Variants in TMEM121 observed in about 807,000 individuals in gnomAD.
TMEM121 encodes the protein transmembrane protein 121A.
TMEM121 carries 8 observed loss-of-function variants against 16.4 expected under a neutral mutation model. That is an observed-to-expected ratio of 0.49 (90% CI 0.29 to 0.88). The LOEUF is 0.88. Among genes scored for constraint, TMEM121 ranks in the 40% least tolerant of loss-of-function variants. The probability of loss-of-function intolerance (pLI) is 0.09; values close to 1 mark genes in which losing one functional copy is unlikely to be tolerated. For synonymous variants in TMEM121, 235 were observed against 226.2 expected, an observed-to-expected ratio of 1.04 and a Z score of -0.35; for missense variants, 401 against 462.0, an observed-to-expected ratio of 0.87 and a Z score of 1.21.
In TMEM121 at chr14:105,529,530, G is replaced by T; in HGVS notation, c.696G>T (p.Ala232=). Residue 232 remains alanine, a synonymous_variant, in exon 2 of 2, where the codon GCG becomes GCT. Coordinates refer to ENST00000392519, the MANE Select transcript of TMEM121 (RefSeq NM_025268.4). ...CCGTCAATGTGGTGGCCGTGCTGGC[G>T]CGCGCCGCCAACATGGCGCTGTTCC... The part of the protein sequence containing the change: ...LATVNVVAVL[A]RAANMALFRD... 6.5e-7 allele frequency: 1 copy of T among 1,541,306 alleles called. No homozygotes were observed. Among genetic ancestry groups the T allele is most frequent in the Non-Finnish European group, 8.7e-7 (1 of 1,145,524 alleles).
Position 105,529,522 on chromosome 14 carries a change from G to T in TMEM121, c.688G>T (p.Val230Leu), listed in dbSNP as rs2084623165. 1 of 1,540,890 alleles carries T rather than the reference G, an allele frequency of 6.5e-7. No homozygotes were observed. The highest frequency in any genetic ancestry group is 1.4e-5 in the African/African-American group (1 of 73,152). Residue 230 changes from valine to leucine, a missense_variant, in exon 2 of 2, where the codon GTG (valine) becomes TTG (leucine). Physicochemically the swap from Val to Leu is conservative, Grantham distance 32. Coordinates refer to ENST00000392519, the MANE Select transcript of TMEM121 (RefSeq NM_025268.4). ...LSLATVNVVAVLARAANMALF... is the reference protein window; with the variant it reads ...LSLATVNVVALLARAANMALF... ...CCTCGCCACCGTCAATGTGGTGGCC[G>T]TGCTGGCGCGCGCCGCCAACATGGC...
At chr14:105,528,602 C>T (rs2084608444) in intron 1 of TMEM121, 120 bp from the exon 2 acceptor site, 1 of 278,622 alleles carries the variant, frequency 3.6e-6, no homozygotes, top group African/African-American at 2.3e-5. Context: ...TGCGCGATGC[C>T]TCGGGGCCCC....
rs1447565477 is a variant in TMEM121, at chr14:105,526,693, T to G, written c.-114+40T>G. 2 of 125,908 alleles carry G rather than the reference T, an allele frequency of 1.6e-5. No individual in the cohort carries two copies. The allele number at this position is 125,908 out of a possible 1,614,324, so 7.8% of individuals were successfully genotyped here. ...GGGCGGGACTGGCTGGGTGCGCGGCTGCGTCCGCGGAGGGGGCGGCGGGCC... is the reference window on the plus strand; with the variant it reads ...GGGCGGGACTGGCTGGGTGCGCGGCGGCGTCCGCGGAGGGGGCGGCGGGCC... On this transcript the variant is annotated intron_variant, in intron 1 of 1. Coordinates refer to ENST00000392519, the MANE Select transcript of TMEM121 (RefSeq NM_025268.4). The surrounding 1 kb of genome is among the most constrained non-coding windows in gnomAD (Gnocchi z 6.8).
Position 105,529,260 on chromosome 14 carries a change from G to T in TMEM121, c.426G>T (p.Lys142Asn). Reference sequence around the variant, plus strand: ...TGGAGTACGTGCGCACCTTCCGCAAGCGCGAGGACCTGCGCGGCCGCCTGT... The same window carrying T: ...TGGAGTACGTGCGCACCTTCCGCAATCGCGAGGACCTGCGCGGCCGCCTGT... Reference protein sequence around the residue: ...DRMEYVRTFRKREDLRGRLFW... With the variant: ...DRMEYVRTFRNREDLRGRLFW... Residue 142 changes from lysine (K) to asparagine (N), a missense_variant, in exon 2 of 2, where the codon AAG (lysine) becomes AAT (asparagine). Transcript: ENST00000392519. 6.4e-7 allele frequency: 1 copy of T among 1,552,366 alleles called. No individual in the cohort carries two copies.
Position 105,529,190 on chromosome 14 carries a change from T to C in TMEM121, c.356T>C (p.Val119Ala), listed in dbSNP as rs1555444198. Residue 119 changes from valine (V) to alanine (A), a missense_variant, in exon 2 of 2, where the codon GTG becomes GCG. Val to Ala is a moderately conservative substitution (Grantham distance 64, BLOSUM62 0). Transcript: ENST00000392519. ...ARKALTLLLS[V>A]CVPGLFLLLV... ...AAGGCGCTGACGCTGCTGCTGTCTG[T>C]GTGTGTGCCCGGCCTGTTCCTGCTG... is the stretch of plus-strand genomic sequence containing the variant. 2 of 1,585,212 alleles carry C rather than the reference T, an allele frequency of 1.3e-6. No individual in the cohort carries two copies. The highest frequency in any genetic ancestry group is 1.7e-6 in the Non-Finnish European group (2 of 1,168,344).
Position 105,528,758 on chromosome 14 carries a change from C to T in TMEM121, c.-77C>T. The T allele has an allele frequency of 8.5e-7, 1 of 1,179,982 alleles. No homozygotes were observed. The highest frequency in any genetic ancestry group is 1.0e-6 in the Non-Finnish European group (1 of 955,724). 73.1% of individuals were successfully genotyped at this position (1,179,982 alleles called of 1,614,324 possible). ...GCCGGGCCGTGTCGCGCCATGCCCGCTGGCTGAGCGCCGCAGGGCCTCGTC... is the reference window on the plus strand; with the variant it reads ...GCCGGGCCGTGTCGCGCCATGCCCGTTGGCTGAGCGCCGCAGGGCCTCGTC... On this transcript the variant is annotated 5_prime_UTR_variant, in exon 2 of 2. Coordinates refer to ENST00000392519, the MANE Select transcript of TMEM121 (RefSeq NM_025268.4).
chr14:105,529,564 C>G lies in TMEM121; in HGVS notation c.730C>G (p.Arg244Gly), dbSNP rs782133785. The G allele has an allele frequency of 6.4e-7, 1 of 1,552,532 alleles. No individual in the cohort carries two copies. Among genetic ancestry groups the G allele is most frequent in the South Asian group, 1.2e-5 (1 of 84,890 alleles). Residue 244 changes from arginine to glycine, a missense_variant, in exon 2 of 2, where the codon CGT (arginine) becomes GGT (glycine). Physicochemically the swap from Arg to Gly is moderately radical, Grantham distance 125. Transcript: ENST00000392519. The stretch of plus-strand genomic sequence containing the variant: ...CAACATGGCGCTGTTCCGGGACAGC[C>G]GTGTCTCGGCCATCTTCGTCGGCAA... ...AANMALFRDS[R>G]VSAIFVGKNV... is the part of the protein sequence containing the mutation.
chr14:105,527,756 G>C (rs1370455905), intron 1 of TMEM121, among the ~76,000 whole-genome samples: 4 of 151,982 alleles, frequency 2.6e-5, no homozygotes, highest in African/African-American at 9.7e-5. Context: ...GGCTGTGGAG[G>C]GGGTGAGGGG....
At chr14:105,527,317 C>G (rs979734536) in intron 1 of TMEM121, 4 of 152,234 alleles carry the variant, frequency 2.6e-5, no homozygotes, top group African/African-American at 9.7e-5. Flanking sequence ...CCCCGCCACG[C>G]GCGGAGAGGG....
rs1555444149 is a variant in TMEM121 at position 105,528,993 on chromosome 14, G to C, written c.159G>C (p.Leu53=). The C allele has an allele frequency of 1.2e-6, 2 of 1,612,070 alleles. No individual in the cohort carries two copies. The highest frequency in any genetic ancestry group is 3.3e-5 in the Admixed American group (2 of 59,928). ...TGCTGGTGGGCGACGTGTGCTTCCT[G>C]CTGGTGCTGCGCTACGTGGCCGTGT... ...IIVLVGDVCF[L]LVLRYVAVWV... is the part of the protein sequence containing the mutation. Residue 53 remains leucine (L), a synonymous_variant, in exon 2 of 2, where the codon CTG becomes CTC. Coordinates refer to ENST00000392519, the MANE Select transcript of TMEM121 (RefSeq NM_025268.4).
chr14:105,530,028 G>A lies in TMEM121; in HGVS notation c.*234G>A. 3 of 504,836 alleles carry A rather than the reference G, an allele frequency of 5.9e-6. No individual in the cohort carries two copies. The highest frequency in any genetic ancestry group is 1.0e-5 in the Non-Finnish European group (3 of 287,272). The allele number at this position is 504,836 out of a possible 1,614,324, so 31.3% of individuals were successfully genotyped here. A position where few individuals can be genotyped will look rare whatever the true frequency, so the allele number is the denominator to read the frequency against. ...GCGCGTGGGTCTGTTTGGGAGGCCT[G>A]GGCCGGAGCAGAGCAGAGGTGATCC... On this transcript the variant is annotated 3_prime_UTR_variant, in exon 2 of 2. Transcript: ENST00000392519.
At position 105,528,856 on chromosome 14, in the gene TMEM121, C is replaced by T; in HGVS notation, c.22C>T (p.Arg8Trp). Residue 8 changes from arginine (R) to tryptophan (W), a missense_variant, in exon 2 of 2, where the codon CGG becomes TGG. Coordinates refer to ENST00000392519, the MANE Select transcript of TMEM121 (RefSeq NM_025268.4). MVLPPPD[R>W]RHVCLTTLVI... ...GACCATGGTGCTGCCGCCCCCGGAC[C>T]GGCGCCACGTGTGCCTGACCACGCT... 1 of 1,540,422 alleles carries T rather than the reference C, an allele frequency of 6.5e-7. No individual in the cohort carries two copies.
chr14:105,527,323 G>A (rs2084596643), intron 1 of TMEM121: 1 of 152,286 alleles, frequency 6.6e-6, no homozygotes, highest in Non-Finnish European at 1.5e-5. Context: ...CACGCGCGGA[G>A]AGGGAGGAAA....
chr14:105,529,282 C>G lies in TMEM121; in HGVS notation c.448C>G (p.Leu150Val). 1.9e-6 allele frequency: 3 copies of G among 1,542,456 alleles called. No individual in the cohort carries two copies. The highest frequency in any genetic ancestry group is 2.6e-6 in the Non-Finnish European group (3 of 1,147,790). Residue 150 changes from leucine to valine, a missense_variant, in exon 2 of 2, where the codon CTG becomes GTG. Coordinates refer to ENST00000392519, the MANE Select transcript of TMEM121 (RefSeq NM_025268.4). ...CAAGCGCGAGGACCTGCGCGGCCGC[C>G]TGTTTTGGGTGGCGCTGGACCTGCT... ...FRKREDLRGR[L>V]FWVALDLLDL...
chr14:105,527,881 G>A (rs1364450089), intron 1 of TMEM121, among the ~76,000 whole-genome samples: 1 of 152,142 alleles, frequency 6.6e-6, no homozygotes, highest in East Asian at 1.9e-4. Flanking sequence ...ACGGCCATGA[G>A]GACCAGTGCC....
intron 1 of TMEM121, among the ~76,000 whole-genome samples, chr14:105,527,807 C>T (rs1335042808): frequency 1.3e-5 from 2 of 151,574 alleles, no homozygotes; most frequent in Non-Finnish European, 2.9e-5. Context: ...GGGGTGGGTG[C>T]GGGTGTGCGG....
Position 105,526,817 on chromosome 14 carries a change from G to T in TMEM121, c.-114+164G>T, listed in dbSNP as rs2084591705. ...GGGGCCGGCGGGGTGACGGGGACCCGGCCCTGCGTGGGGAAGCCTCGGGGG... is the reference window on the plus strand; with the variant it reads ...GGGGCCGGCGGGGTGACGGGGACCCTGCCCTGCGTGGGGAAGCCTCGGGGG... On this transcript the variant is annotated intron_variant, in intron 1 of 1. Coordinates refer to ENST00000392519, the MANE Select transcript of TMEM121 (RefSeq NM_025268.4). The surrounding 1 kb of genome is among the most constrained non-coding windows in gnomAD (Gnocchi z 6.8). Among the ~76,000 whole-genome samples, 1 of 151,674 alleles carries T rather than the reference G, an allele frequency of 6.6e-6. No individual in the cohort carries two copies. The highest frequency in any genetic ancestry group is 6.6e-5 in the Admixed American group (1 of 15,254).
rs1378352665 is a variant in TMEM121, at chr14:105,529,244, T to C, written c.410T>C (p.Val137Ala). The change falls in exon 2 of 2, where the codon GTG becomes GCG. Residue 137 changes from valine to alanine, a missense_variant. Coordinates refer to ENST00000392519, the MANE Select transcript of TMEM121 (RefSeq NM_025268.4). ...LLVALDRMEY[V>A]RTFRKREDLR... ...GTGGCGCTGGACCGCATGGAGTACG[T>C]GCGCACCTTCCGCAAGCGCGAGGAC... 1.3e-6 allele frequency: 2 copies of C among 1,561,980 alleles called. No homozygotes were observed. Among genetic ancestry groups the C allele is most frequent in the Non-Finnish European group, 1.7e-6 (2 of 1,156,888 alleles).
chr14:105,527,286 G>C (rs183639746), intron 1 of TMEM121: 1 of 152,282 alleles, frequency 6.6e-6, no homozygotes, highest in Non-Finnish European at 1.5e-5. Context: ...CGGCGCCGTG[G>C]CTCCCCCGCT....
Sources: gnomAD v4.1 joint callset for allele counts (sites outside exome capture counted in the v4.1 genomes callset) on GRCh38, gnomAD v4.1.1 for gene constraint, Gnocchi (gnomAD v3.1) non-coding constraint, MANE v1.5 for transcripts, NCBI Gene and HGNC (gene_info 2026-07-23, HGNC 2026-07-21) for gene names.